The following AFF2 variants were observed in gnomAD, a reference collection of about 807,000 sequenced individuals.
AFF2 encodes the protein ALF transcription elongation factor 2, also known as AF4/FMR2 family member 2.
In AFF2, 14 loss-of-function variants were observed where a neutral mutation model predicts 76.9. That is an observed-to-expected ratio of 0.18 (90% CI 0.12 to 0.28). The LOEUF is 0.28. AFF2 is among the 10% of genes least tolerant of loss of function. AFF2 has a pLI of 1.00. For synonymous variants in AFF2, 398 were observed against 366.7 expected, an observed-to-expected ratio of 1.09 and a Z score of -0.98; for missense variants, 868 against 1,001.1, an observed-to-expected ratio of 0.87 and a Z score of 1.79.
At chrX:148,776,640 G>A (rs781907304) in intron 3 of AFF2, among the ~76,000 whole-genome samples, 9 of 111,847 alleles carry the variant, frequency 8.0e-5, no homozygotes, top group Non-Finnish European at 1.7e-4. Context: ...ATGTTTGTTG[G>A]CTGCATAAAG....
intron 3 of AFF2, among the ~76,000 whole-genome samples, chrX:148,794,805 C>G (rs112362248): frequency 1.8e-5 from 2 of 111,007 alleles, no homozygotes; most frequent in African/African-American, 6.5e-5. Context: ...ATCAAATTGT[C>G]TCCTGGATTG....
chrX:148,615,902 C>T (rs1192731070), intron 1 of AFF2, among the ~76,000 whole-genome samples: 1 of 111,561 alleles, frequency 9.0e-6, no homozygotes, highest in Non-Finnish European at 1.9e-5. Flanking sequence ...TTTCCACTTA[C>T]CTACATTAAG....
chrX:148,580,041 A>C (rs1053831796), intron 1 of AFF2, among the ~76,000 whole-genome samples: 13 of 111,521 alleles, frequency 1.2e-4, no homozygotes, highest in Non-Finnish European at 2.3e-4. Flanking sequence ...TAACTTTGCA[A>C]CCCTCTCTGC....
At chrX:148,967,142 G>A (rs1265112481) in intron 14 of AFF2, 63 bp downstream of exon 14, 6 of 1,179,112 alleles carry the variant, frequency 5.1e-6, no homozygotes, top group African/African-American at 1.8e-5. Context: ...GGGTAGCATG[G>A]CTTTTCTAGT....
chrX:148,786,140 T>C (rs2069818024), intron 3 of AFF2, among the ~76,000 whole-genome samples: 1 of 111,975 alleles, frequency 8.9e-6, no homozygotes, highest in South Asian at 3.7e-4. Flanking sequence ...GTTATTGCTG[T>C]AATTATTTCT....
chrX:148,827,529 T>A (rs2070402678), intron 4 of AFF2, among the ~76,000 whole-genome samples: 1 of 112,132 alleles, frequency 8.9e-6, no homozygotes, highest in Non-Finnish European at 1.9e-5. Context: ...TAGCATAAGC[T>A]GGCTTTCTAA....
chrX:148,591,648 T>C (rs2053523193), intron 1 of AFF2, among the ~76,000 whole-genome samples: 1 of 112,306 alleles, frequency 8.9e-6, no homozygotes, highest in Admixed American at 9.4e-5. Flanking sequence ...ACTGGATTTA[T>C]TCCATCATTA....
Position 148,843,126 on chromosome X carries a change from AT to A in AFF2, c.1210+126del. Reference sequence around the variant, plus strand: ...ACAACAATAACAAAAAGTTATTTTAATTGTTAATTTTTAGCTCTCAGAAATA... The same window carrying A: ...ACAACAATAACAAAAAGTTATTTTAATGTTAATTTTTAGCTCTCAGAAATA... On this transcript the variant is annotated intron_variant, in intron 6 of 20. Transcript: ENST00000370460. 3 of 579,946 alleles carry A rather than the reference AT, an allele frequency of 5.2e-6. No individual in the cohort carries two copies. The Admixed American group carries it at 1.2e-4, about 22-fold the overall frequency. The allele number at this position is 579,946 out of a possible 1,213,427, so 47.8% of individuals were successfully genotyped here.
At chrX:148,516,238 C>G (rs1395099448) in intron 1 of AFF2, among the ~76,000 whole-genome samples, 4 of 111,493 alleles carry the variant, frequency 3.6e-5, no homozygotes, top group Non-Finnish European at 7.5e-5. Flanking sequence ...GTGACTGGGC[C>G]CTAAAGGCTC....
intron 12 of AFF2, among the ~76,000 whole-genome samples, chrX:148,960,753 A>G: frequency 8.9e-6 from 1 of 112,187 alleles, no homozygotes; most frequent in Non-Finnish European, 1.9e-5. Flanking sequence ...GTTCAACAGA[A>G]GGACTCTCCT....
rs781959365 is a variant in AFF2, at chrX:148,962,732, G to C, written c.2708G>C (p.Arg903Thr). 5.8e-6 allele frequency: 7 copies of C among 1,206,098 alleles called. No homozygotes were observed. Among genetic ancestry groups the C allele is most frequent in the Non-Finnish European group, 7.8e-6 (7 of 892,206 alleles). ...TTTCACAGAAATAATTCATCCAGGA[G>C]AGCAAATAGAAGAAAGGAAGAAAAA... is the stretch of plus-strand genomic sequence containing the variant. ...PNTRENNSSRRANRRKEEKLF... is the reference protein window; with the variant it reads ...PNTRENNSSRTANRRKEEKLF... Residue 903 changes from arginine (R) to threonine (T), a missense_variant, in exon 13 of 21, where the codon AGA becomes ACA. Around this residue, in one of 6 missense-constraint regions of AFF2, gnomAD observed 532 missense variants for 564.2 expected, o/e 0.94. Coordinates refer to ENST00000370460, the MANE Select transcript of AFF2 (RefSeq NM_002025.4).
intron 1 of AFF2, among the ~76,000 whole-genome samples, chrX:148,520,207 C>G (rs1439862145): frequency 1.1e-4 from 12 of 111,672 alleles, no homozygotes; most frequent in Admixed American, 9.6e-4. Context: ...CTTTGAGACC[C>G]CTGTGTATTT....
At chrX:148,555,275 T>G (rs2053040403) in intron 1 of AFF2, among the ~76,000 whole-genome samples, 1 of 112,011 alleles carries the variant, frequency 8.9e-6, no homozygotes, top group African/African-American at 3.2e-5. Context: ...TCAGTGAAGA[T>G]GTCTGATCCC....
At chrX:148,932,885 A>AT (rs1233240839) in intron 9 of AFF2, among the ~76,000 whole-genome samples, 1 of 112,632 alleles carries the variant, frequency 8.9e-6, no homozygotes, top group Admixed American at 9.4e-5. Context: ...GGAACTAGAG[A>AT]TACAGCAAAA....
chrX:148,685,924 C>T (rs782502011), intron 3 of AFF2, among the ~76,000 whole-genome samples: 1 of 110,030 alleles, frequency 9.1e-6, no homozygotes, highest in Admixed American at 9.8e-5. Flanking sequence ...TTCTCTCTCT[C>T]TCTCTATCTC....
chrX:148,700,465 GAT>G (rs2054776127), intron 3 of AFF2, among the ~76,000 whole-genome samples: 2 of 74,300 alleles, frequency 2.7e-5, no homozygotes, highest in Admixed American at 3.9e-4. Flanking sequence ...TGTGTGTGGT[GAT>G]TGCGGGGGGA....
chrX:148,547,975 C>T (rs782166189), intron 1 of AFF2, among the ~76,000 whole-genome samples: 2 of 112,167 alleles, frequency 1.8e-5, no homozygotes, highest in South Asian at 3.8e-4. Flanking sequence ...CTGCTCATAC[C>T]GCTAAGCTCT....
intron 8 of AFF2, among the ~76,000 whole-genome samples, chrX:148,891,698 G>A (rs73640605): frequency 1.2e-3 from 134 of 111,419 alleles, no homozygotes; most frequent in African/African-American, 4.1e-3. Flanking sequence ...GGTGTCCACA[G>A]GTAGCGGGAT....
intron 1 of AFF2, among the ~76,000 whole-genome samples, chrX:148,581,681 C>T (rs1349297146): frequency 1.8e-5 from 2 of 110,781 alleles, no homozygotes; most frequent in African/African-American, 3.3e-5. Context: ...CACATATATA[C>T]GTATACGTAT....
Sources: gnomAD v4.1 joint callset for allele counts (sites outside exome capture counted in the v4.1 genomes callset) on GRCh38, gnomAD v4.1.1 for gene constraint, gnomAD v4.1.1 regional missense constraint, MANE v1.5 for transcripts, NCBI Gene and HGNC (gene_info 2026-07-23, HGNC 2026-07-21) for gene names.